Variants in SRGAP3 observed in about 807,000 individuals in gnomAD.
SRGAP3 encodes the protein SLIT-ROBO Rho GTPase activating protein 3, also known as SLIT-ROBO Rho GTPase-activating protein 3.
SRGAP3 carries 39 observed loss-of-function variants against 121.1 expected under a neutral mutation model. The observed-to-expected ratio is 0.32, with a 90% confidence interval of 0.25 to 0.42. SRGAP3 has a LOEUF of 0.42. SRGAP3 is among the 10% of genes least tolerant of loss of function. SRGAP3 has a pLI of 1.00. For missense variants in SRGAP3, 1,213 were observed against 1,470.6 expected, an observed-to-expected ratio of 0.82 and a Z score of 2.86; for synonymous variants, 601 against 570.0, an observed-to-expected ratio of 1.05 and a Z score of -0.77.
At chr3:9,056,804 C>A (rs1407093957) in intron 7 of SRGAP3, among the ~76,000 whole-genome samples, 1 of 152,180 alleles carries the variant, frequency 6.6e-6, no homozygotes, top group Non-Finnish European at 1.5e-5. Flanking sequence ...GCTCTCACAG[C>A]TCATAGCTCT....
chr3:9,180,099 T>C (rs1951325714), intron 1 of SRGAP3, among the ~76,000 whole-genome samples: 1 of 152,184 alleles, frequency 6.6e-6, no homozygotes, highest in South Asian at 2.1e-4. Context: ...CTCCAAGACA[T>C]TCAAGAGAAA....
Position 9,338,387 on chromosome 3 carries a change from G to A in SRGAP3, n.215-7791C>T, listed in dbSNP as rs576568320. On this transcript the variant is annotated intron_variant and non_coding_transcript_variant, in intron 1 of 3. Transcript: ENST00000490889. ...ATGTGTTCAGTTATTGATATGTTCG[G>A]TTTAGAATCATGGTAGAAAGAGGTC... Among the ~76,000 whole-genome samples, 3 of 152,278 alleles carry A rather than the reference G, an allele frequency of 2.0e-5. No homozygotes were observed. In the East Asian group the frequency reaches 5.8e-4, roughly 29 times the overall value.
intron 1 of SRGAP3, among the ~76,000 whole-genome samples, chr3:9,164,683 G>A (rs533903221): frequency 4.5e-4 from 69 of 152,268 alleles, no homozygotes; most frequent in African/African-American, 1.7e-3. Flanking sequence ...CACATGCTAA[G>A]CATCTCCTTG....
chr3:9,224,903 CAG>C (rs1952934841), intron 1 of SRGAP3, among the ~76,000 whole-genome samples: 1 of 152,156 alleles, frequency 6.6e-6, no homozygotes, highest in Non-Finnish European at 1.5e-5. Flanking sequence ...AACCAAAAAG[CAG>C]AGAGACAGAG....
intron 1 of SRGAP3, among the ~76,000 whole-genome samples, chr3:9,162,561 G>T (rs1172411563): frequency 1.3e-5 from 2 of 152,154 alleles, no homozygotes; most frequent in Non-Finnish European, 2.9e-5. Flanking sequence ...CCACTTGCAG[G>T]CCCCTGGGAT....
chr3:9,196,102 G>A lies in SRGAP3; in HGVS notation c.67+52783C>T, dbSNP rs547838019. On this transcript the variant is annotated intron_variant, in intron 1 of 21. Coordinates refer to ENST00000383836, the MANE Select transcript of SRGAP3 (RefSeq NM_014850.4). Reference sequence around the variant, plus strand: ...GGAGGTGGGATCCAAAGAGTGGGTAGGATTTTGATTTGGAAATGAAAGCCA... The same window carrying A: ...GGAGGTGGGATCCAAAGAGTGGGTAAGATTTTGATTTGGAAATGAAAGCCA... Among the ~76,000 whole-genome samples the A allele has an allele frequency of 3.9e-5, 6 of 152,324 alleles. No homozygotes were observed. In the South Asian group the frequency reaches 1.2e-3, roughly 32 times the overall value.
intron 3 of SRGAP3, among the ~76,000 whole-genome samples, chr3:9,082,894 T>C (rs897144651): frequency 6.6e-6 from 1 of 152,178 alleles, no homozygotes; most frequent in African/African-American, 2.4e-5. Context: ...CCTCTGAAGG[T>C]GGTCTCTGCT....
At chr3:9,172,197 A>C (rs921963053) in intron 1 of SRGAP3, among the ~76,000 whole-genome samples, 3 of 150,202 alleles carry the variant, frequency 2.0e-5, no homozygotes, top group Non-Finnish European at 4.4e-5. Flanking sequence ...GGGCTCAAGC[A>C]GTCCTCCCAC....
At chr3:9,184,432 A>G (rs1207352515) in intron 1 of SRGAP3, among the ~76,000 whole-genome samples, 2 of 152,146 alleles carry the variant, frequency 1.3e-5, no homozygotes, top group Non-Finnish European at 2.9e-5. Context: ...TTCATCTGTC[A>G]AACAGGGATA....
At chr3:9,138,461 G>A (rs1252187089) in intron 1 of SRGAP3, among the ~76,000 whole-genome samples, 1 of 152,178 alleles carries the variant, frequency 6.6e-6, no homozygotes, top group Non-Finnish European at 1.5e-5. Context: ...TAGCACCTAA[G>A]AGCAACTTTC....
At chr3:9,118,011 A>G (rs1287332730) in intron 2 of SRGAP3, among the ~76,000 whole-genome samples, 1 of 151,970 alleles carries the variant, frequency 6.6e-6, no homozygotes, top group Non-Finnish European at 1.5e-5. Flanking sequence ...ATGTACCTGT[A>G]GTCCCGGTTA....
At chr3:9,107,588 C>G (rs1035493268) in intron 2 of SRGAP3, among the ~76,000 whole-genome samples, 1 of 152,242 alleles carries the variant, frequency 6.6e-6, no homozygotes, top group South Asian at 2.1e-4. Flanking sequence ...CACGCTAAGG[C>G]AGTGGTTCTC....
chr3:9,195,917 T>C (rs375409566), intron 1 of SRGAP3, among the ~76,000 whole-genome samples: 71 of 152,076 alleles, frequency 4.7e-4, no homozygotes, highest in Admixed American at 1.0e-3. Context: ...GATCACACCA[T>C]TGCACTCCAA....
intron 3 of SRGAP3, among the ~76,000 whole-genome samples, chr3:9,308,133 C>T (rs561360091): frequency 1.5e-4 from 23 of 152,292 alleles, no homozygotes; most frequent in African/African-American, 5.3e-4. Flanking sequence ...CCAGTTTGGT[C>T]GACAGAGCTA....
chr3:9,339,848 C>A (rs1389891120), intron 1 of SRGAP3, among the ~76,000 whole-genome samples: 1 of 152,160 alleles, frequency 6.6e-6, no homozygotes, highest in Non-Finnish European at 1.5e-5. Context: ...CTAATGGACC[C>A]TCAGGTAAAA....
Position 9,044,721 on chromosome 3 carries a change from T to C in SRGAP3, c.1408+2670A>G, listed in dbSNP as rs572595657. Among the ~76,000 whole-genome samples the C allele has an allele frequency of 1.1e-4, 17 of 152,314 alleles. No individual in the cohort carries two copies. In the South Asian group the frequency reaches 3.3e-3, roughly 30 times the overall value. On this transcript the variant is annotated intron_variant, in intron 10 of 21. Transcript: ENST00000383836. Reference sequence around the variant, plus strand: ...CTACCCTACTCTTAGAAGAGAATCCTACTGAATAGAAGAACCAAAACGCTC... The same window carrying C: ...CTACCCTACTCTTAGAAGAGAATCCCACTGAATAGAAGAACCAAAACGCTC...
chr3:9,279,516 T>TC lies in SRGAP3; in HGVS notation n.442+46493_442+46494insG, dbSNP rs1295674970. 2.0e-5 allele frequency among the ~76,000 whole-genome samples: 3 copies of TC among 149,098 alleles called. No homozygotes were observed. In the East Asian group the frequency reaches 5.9e-4, roughly 29 times the overall value. On this transcript the variant is annotated intron_variant and non_coding_transcript_variant, in intron 3 of 3. Transcript: ENST00000490889. ...AGCAAAACGAATACCCTGATTTTTT[T>TC]TTTTTTTTTTTTTTTGAGATGGAGT...
chr3:9,096,489 G>A (rs1039665747), intron 3 of SRGAP3, among the ~76,000 whole-genome samples: 1 of 152,186 alleles, frequency 6.6e-6, no homozygotes, highest in Non-Finnish European at 1.5e-5. Context: ...TCAGCAGCAA[G>A]TGTGACTTGC....
chr3:9,340,436 G>C (rs2125289752), intron 1 of SRGAP3, among the ~76,000 whole-genome samples: 1 of 152,300 alleles, frequency 6.6e-6, no homozygotes, highest in South Asian at 2.1e-4. Context: ...GAATGGAGCT[G>C]CCTCACCCCT....
Sources: allele counts gnomAD v4.1 joint callset (sites outside exome capture counted in the v4.1 genomes callset), GRCh38; gene constraint gnomAD v4.1.1; transcripts MANE v1.5; gene names NCBI Gene and HGNC (gene_info 2026-07-23, HGNC 2026-07-21).